Variants in H1-5 observed in about 807,000 individuals in gnomAD.
H1-5 encodes the protein histone H1.5.
A neutral mutation model predicts 4.6 loss-of-function variants in H1-5; 3 were observed. The ratio of observed to expected loss-of-function variants is 0.65; its 90% CI spans 0.30 to 1.68. The LOEUF (loss-of-function observed/expected upper bound fraction) is 1.68, where lower values mean the gene tolerates loss of function less well. Ranked by LOEUF, H1-5 falls within the 40% of genes most tolerant of loss-of-function variation. The pLI, the probability that H1-5 is intolerant of heterozygous loss-of-function variation, is 0.10. For synonymous variants in H1-5, 250 were observed against 123.4 expected, an observed-to-expected ratio of 2.03 and a Z score of -6.80; for missense variants, 521 against 287.9, an observed-to-expected ratio of 1.81 and a Z score of -5.86.
chr6:27,867,508 C>G lies in H1-5; in HGVS notation c.22G>C (p.Glu8Gln). The G allele has an allele frequency of 1.9e-6, 3 of 1,551,860 alleles. No individual in the cohort carries two copies. The highest frequency in any genetic ancestry group is 2.6e-6 in the Non-Finnish European group (3 of 1,154,966). Reference sequence around the variant, plus strand: ...TCCACCGGCGCTGGGGTGGCTGTCTCGGCAGGAGCGGTTTCCGACATGGTG... The same window carrying G: ...TCCACCGGCGCTGGGGTGGCTGTCTGGGCAGGAGCGGTTTCCGACATGGTG... Reference protein sequence around the residue: MSETAPAETATPAPVEKS... With the variant: MSETAPAQTATPAPVEKS... The change falls in exon 1 of 1, where the codon GAG (glutamate) becomes CAG (glutamine). Residue 8 changes from glutamate to glutamine, a missense_variant. By Grantham distance (29) the Glu-to-Gln change is conservative. Transcript: ENST00000331442.
At position 27,867,177 on chromosome 6, in the gene H1-5, TC is replaced by T; in HGVS notation, c.352del (p.Glu118LysfsTer35). On this transcript the variant is annotated frameshift_variant, in exon 1 of 1. Coordinates refer to ENST00000331442, the MANE Select transcript of H1-5 (RefSeq NM_005322.3). LOFTEE classifies it high-confidence loss of function. ...FKLNKKAASG[E>X]AKPKAKKAGA... ...TGCCTTCTTGGCTTTGGGCTTGGCT[TC>T]CCCGGAGGCCGCCTTCTTGTTGAGT... is the stretch of plus-strand genomic sequence containing the variant. 1 of 1,614,224 alleles carries T rather than the reference TC, an allele frequency of 6.2e-7. No homozygotes were observed. The highest frequency in any genetic ancestry group is 8.5e-7 in the Non-Finnish European group (1 of 1,180,022).
At position 27,867,482 on chromosome 6, in the gene H1-5, C is replaced by G. The variant is rs760935423; in HGVS notation, c.48G>C (p.Glu16Asp). The G allele has an allele frequency of 6.3e-7, 1 of 1,585,418 alleles. No homozygotes were observed. Among genetic ancestry groups the G allele is most frequent in the Admixed American group, 1.9e-5 (1 of 53,734 alleles). ...PAETATPAPV[E>D]KSPAKKKATK... The stretch of plus-strand genomic sequence containing the variant: ...TTGCCTTCTTCTTAGCCGGGGATTT[C>G]TCCACCGGCGCTGGGGTGGCTGTCT... Residue 16 changes from glutamate to aspartate, a missense_variant, in exon 1 of 1, where the codon GAG (glutamate) becomes GAC (aspartate). Glu to Asp is a conservative substitution (Grantham distance 45). Transcript: ENST00000331442.
chr6:27,867,553 G>C lies in H1-5; in HGVS notation c.-24C>G, dbSNP rs201267587. 737 of 1,520,544 alleles carry C rather than the reference G, an allele frequency of 4.8e-4. 1 individual carries two copies. The highest frequency in any genetic ancestry group is 3.6e-4 in the Non-Finnish European group (412 of 1,137,840). 94.2% of individuals were successfully genotyped at this position (1,520,544 alleles called of 1,614,324 possible). On this transcript the variant is annotated 5_prime_UTR_variant, in exon 1 of 1. Coordinates refer to ENST00000331442, the MANE Select transcript of H1-5 (RefSeq NM_005322.3). The stretch of plus-strand genomic sequence containing the variant: ...ATGGTGGCAAGAAACTGCTAGAAGA[G>C]AATAAGCTCGAAATCTAAAGAGCAG...
rs1287308401 is a variant in H1-5, at chr6:27,866,880, T to G, written c.650A>C (p.Lys217Thr). ...KPKAAKPKAA[K>T]AKKAAAKKK ...CTTTTTGGCAGCCGCCTTCTTGGCC[T>G]TTGCAGCTTTAGGTTTTGCTGCTTT... Residue 217 changes from lysine to threonine, a missense_variant, in exon 1 of 1, where the codon AAG (lysine) becomes ACG (threonine). Coordinates refer to ENST00000331442, the MANE Select transcript of H1-5 (RefSeq NM_005322.3). 5 of 1,601,018 alleles carry G rather than the reference T, an allele frequency of 3.1e-6. No individual in the cohort carries two copies. The African/African-American group carries it at 5.4e-5, about 17-fold the overall frequency.
In H1-5 at chr6:27,867,518, G is replaced by C; in HGVS notation, c.12C>G (p.Thr4=). The C allele has an allele frequency of 2.6e-6, 4 of 1,545,054 alleles. No individual in the cohort carries two copies. The highest frequency in any genetic ancestry group is 3.5e-6 in the Non-Finnish European group (4 of 1,152,206). The stretch of plus-strand genomic sequence containing the variant: ...CTGGGGTGGCTGTCTCGGCAGGAGC[G>C]GTTTCCGACATGGTGGCAAGAAACT... MSE[T]APAETATPAP... The change falls in exon 1 of 1, where the codon ACC becomes ACG. Residue 4 remains threonine, a synonymous_variant. Coordinates refer to ENST00000331442, the MANE Select transcript of H1-5 (RefSeq NM_005322.3).
At position 27,867,573 on chromosome 6, in the gene H1-5, G is replaced by A. The variant is rs777814625; in HGVS notation, c.-44C>T. 5.3e-6 allele frequency: 8 copies of A among 1,507,400 alleles called. No homozygotes were observed. Among genetic ancestry groups the A allele is most frequent in the Non-Finnish European group, 6.2e-6 (7 of 1,127,910 alleles). 93.4% of individuals were successfully genotyped at this position (1,507,400 alleles called of 1,614,324 possible). A position where few individuals can be genotyped will look rare whatever the true frequency, so the allele number is the denominator to read the frequency against. On this transcript the variant is annotated 5_prime_UTR_variant, in exon 1 of 1. Coordinates refer to ENST00000331442, the MANE Select transcript of H1-5 (RefSeq NM_005322.3). ...GAAGAGAATAAGCTCGAAATCTAAA[G>A]AGCAGGTTTTGCGTTGCTGCTATGC...
rs183848881 is a variant in H1-5 at position 27,867,559 on chromosome 6, G to A, written c.-30C>T. 2.7e-4 allele frequency: 417 copies of A among 1,517,688 alleles called. No homozygotes were observed. In the East Asian group the frequency reaches 6.3e-3, roughly 23 times the overall value. The allele number at this position is 1,517,688 out of a possible 1,614,324, so 94.0% of individuals were successfully genotyped here. On this transcript the variant is annotated 5_prime_UTR_variant, in exon 1 of 1. Coordinates refer to ENST00000331442, the MANE Select transcript of H1-5 (RefSeq NM_005322.3). Reference sequence around the variant, plus strand: ...GCAAGAAACTGCTAGAAGAGAATAAGCTCGAAATCTAAAGAGCAGGTTTTG... The same window carrying A: ...GCAAGAAACTGCTAGAAGAGAATAAACTCGAAATCTAAAGAGCAGGTTTTG...
At position 27,867,230 on chromosome 6, in the gene H1-5, C is replaced by T. The variant is rs1319758831; in HGVS notation, c.300G>A (p.Lys100=). ...TAAAGGAGCCAGAAGCACCAGTGCC[C>T]TTGGTCTGCACCAGGGTGCCCTTGC... The part of the protein sequence containing the change: ...LVSKGTLVQT[K]GTGASGSFKL... The change falls in exon 1 of 1, where the codon AAG becomes AAA. Residue 100 remains lysine (K), a synonymous_variant. Transcript: ENST00000331442. The T allele has an allele frequency of 1.2e-6, 2 of 1,614,232 alleles. No homozygotes were observed. The highest frequency in any genetic ancestry group is 2.2e-5 in the East Asian group (1 of 44,876).
In H1-5 at chr6:27,866,929, C is replaced by CCGCCTT; in HGVS notation, c.595_600dup (p.Lys199_Ala200dup). On this transcript the variant is annotated inframe_insertion, in exon 1 of 1. Transcript: ENST00000331442. The stretch of plus-strand genomic sequence containing the variant: ...TTGGGCTTAGCGGCTTTGGGCTTTG[C>CCGCCTT]CGCCTTCGGCTTAACTGCCTTGGGC... 1 of 1,614,096 alleles carries CCGCCTT rather than the reference C, an allele frequency of 6.2e-7. No homozygotes were observed. Among genetic ancestry groups the CCGCCTT allele is most frequent in the Non-Finnish European group, 8.5e-7 (1 of 1,180,010 alleles).
At position 27,866,922 on chromosome 6, in the gene H1-5, G is replaced by T; in HGVS notation, c.608C>A (p.Pro203His). 2 of 1,613,896 alleles carry T rather than the reference G, an allele frequency of 1.2e-6. No homozygotes were observed. The highest frequency in any genetic ancestry group is 2.7e-5 in the African/African-American group (2 of 74,998). ...TGCTGCTTTGGGCTTAGCGGCTTTG[G>T]GCTTTGCCGCCTTCGGCTTAACTGC... ...PKAVKPKAAKPKAAKPKAAKP... is the reference protein window; with the variant it reads ...PKAVKPKAAKHKAAKPKAAKP... Residue 203 changes from proline (P) to histidine (H), a missense_variant, in exon 1 of 1, where the codon CCC (proline) becomes CAC (histidine). By Grantham distance (77) the Pro-to-His change is moderately conservative. Transcript: ENST00000331442.
At position 27,866,918 on chromosome 6, in the gene H1-5, T is replaced by C. The variant is rs779408820; in HGVS notation, c.612A>G (p.Lys204=). The C allele has an allele frequency of 2.7e-5, 43 of 1,613,710 alleles. No individual in the cohort carries two copies. Among genetic ancestry groups the C allele is most frequent in the Non-Finnish European group, 2.9e-5 (34 of 1,179,884 alleles). The change falls in exon 1 of 1, where the codon AAA becomes AAG. Residue 204 remains lysine, a synonymous_variant. Coordinates refer to ENST00000331442, the MANE Select transcript of H1-5 (RefSeq NM_005322.3). The stretch of plus-strand genomic sequence containing the variant: ...GTTTTGCTGCTTTGGGCTTAGCGGC[T>C]TTGGGCTTTGCCGCCTTCGGCTTAA... ...KAVKPKAAKP[K]AAKPKAAKPK...
Position 27,867,054 on chromosome 6 carries a change from G to C in H1-5, c.476C>G (p.Ala159Gly). 6.2e-7 allele frequency: 1 copy of C among 1,613,792 alleles called. No individual in the cohort carries two copies. The highest frequency in any genetic ancestry group is 8.5e-7 in the Non-Finnish European group (1 of 1,179,962). Residue 159 changes from alanine to glycine, a missense_variant, in exon 1 of 1, where the codon GCG (alanine) becomes GGG (glycine). Coordinates refer to ENST00000331442, the MANE Select transcript of H1-5 (RefSeq NM_005322.3). ...GACGCCAGCCGCCGCGGGCTTCTTC[G>C]CCTTCTTCGGAGTCTTCTTCACTGC... is the stretch of plus-strand genomic sequence containing the variant. ...KKAVKKTPKKAKKPAAAGVKK... is the reference protein window; with the variant it reads ...KKAVKKTPKKGKKPAAAGVKK...
rs779719317 is a variant in H1-5 at position 27,866,970 on chromosome 6, G to A, written c.560C>T (p.Thr187Ile). The A allele has an allele frequency of 2.5e-6, 4 of 1,614,224 alleles. No homozygotes were observed. The South Asian group carries it at 3.3e-5, about 13-fold the overall frequency. The change falls in exon 1 of 1, where the codon ACC (threonine) becomes ATC (isoleucine). Residue 187 changes from threonine to isoleucine, a missense_variant. Transcript: ENST00000331442. ...TGCCTTGGGCTTGGCAGGACTCTTG[G>A]TTGCCTTTTTCGGTTTGGCAGCGGC... Reference protein sequence around the residue: ...AKAAAKPKKATKSPAKPKAVK... With the variant: ...AKAAAKPKKAIKSPAKPKAVK...
chr6:27,866,941 T>A lies in H1-5; in HGVS notation c.589A>T (p.Lys197Ter). 6.2e-7 allele frequency: 1 copy of A among 1,614,208 alleles called. No homozygotes were observed. Among genetic ancestry groups the A allele is most frequent in the Non-Finnish European group, 8.5e-7 (1 of 1,180,040 alleles). Residue 197 changes from lysine to a stop codon, truncating the protein, a stop_gained, in exon 1 of 1, where the codon AAG becomes TAG. Transcript: ENST00000331442. LOFTEE classifies it high-confidence loss of function. ...TKSPAKPKAV[K>*]PKAAKPKAAK... ...GCTTTGGGCTTTGCCGCCTTCGGCTTAACTGCCTTGGGCTTGGCAGGACTC... is the reference window on the plus strand; with the variant it reads ...GCTTTGGGCTTTGCCGCCTTCGGCTAAACTGCCTTGGGCTTGGCAGGACTC...
Position 27,867,512 on chromosome 6 carries a change from A to AT in H1-5, c.17_18insA (p.Ala7CysfsTer15). 6.4e-7 allele frequency: 1 copy of AT among 1,551,462 alleles called. No homozygotes were observed. The highest frequency in any genetic ancestry group is 2.3e-5 in the East Asian group (1 of 44,402). On this transcript the variant is annotated frameshift_variant, in exon 1 of 1. Coordinates refer to ENST00000331442, the MANE Select transcript of H1-5 (RefSeq NM_005322.3). LOFTEE classifies it high-confidence loss of function. Reference sequence around the variant, plus strand: ...CCGGCGCTGGGGTGGCTGTCTCGGCAGGAGCGGTTTCCGACATGGTGGCAA... The same window carrying AT: ...CCGGCGCTGGGGTGGCTGTCTCGGCATGGAGCGGTTTCCGACATGGTGGCAA...
rs1228099763 is a variant in H1-5, at chr6:27,867,064, G to C, written c.466C>G (p.Pro156Ala). 4 of 1,613,388 alleles carry C rather than the reference G, an allele frequency of 2.5e-6. No homozygotes were observed. The highest frequency in any genetic ancestry group is 1.7e-5 in the Admixed American group (1 of 59,940). Residue 156 changes from proline (P) to alanine (A), a missense_variant, in exon 1 of 1, where the codon CCG becomes GCG. Pro to Ala is a conservative substitution (Grantham distance 27). Transcript: ENST00000331442. ...AGAKKAVKKTPKKAKKPAAAG... is the reference protein window; with the variant it reads ...AGAKKAVKKTAKKAKKPAAAG... ...GCCGCGGGCTTCTTCGCCTTCTTCG[G>C]AGTCTTCTTCACTGCCTTTTTCGCC... is the stretch of plus-strand genomic sequence containing the variant.
In H1-5 at chr6:27,867,357, T is replaced by C. The variant is rs141249784; in HGVS notation, c.173A>G (p.Asn58Ser). 690 of 1,614,116 alleles carry C rather than the reference T, an allele frequency of 4.3e-4. No homozygotes were observed. Among genetic ancestry groups the C allele is most frequent in the Admixed American group, 1.2e-3 (72 of 60,012 alleles). ...CTTAAGGGCTGCCAAAGAAAGGCCATTGCGCTCCTTAGAAGCAGCCACAGC... is the reference window on the plus strand; with the variant it reads ...CTTAAGGGCTGCCAAAGAAAGGCCACTGCGCTCCTTAGAAGCAGCCACAGC... ...TKAVAASKER[N>S]GLSLAALKKA... The change falls in exon 1 of 1, where the codon AAT becomes AGT. Residue 58 changes from asparagine to serine, a missense_variant. By Grantham distance (46) the Asn-to-Ser change is conservative. Transcript: ENST00000331442.
rs746839353 is a variant in H1-5, at chr6:27,867,543, T to A, written c.-14A>T. On this transcript the variant is annotated 5_prime_UTR_variant, in exon 1 of 1. Transcript: ENST00000331442. Reference sequence around the variant, plus strand: ...GGTTTCCGACATGGTGGCAAGAAACTGCTAGAAGAGAATAAGCTCGAAATC... The same window carrying A: ...GGTTTCCGACATGGTGGCAAGAAACAGCTAGAAGAGAATAAGCTCGAAATC... 6 of 1,529,818 alleles carry A rather than the reference T, an allele frequency of 3.9e-6. No individual in the cohort carries two copies. In the Admixed American group the frequency reaches 1.1e-4, roughly 29 times the overall value. The allele number at this position is 1,529,818 out of a possible 1,614,324, so 94.8% of individuals were successfully genotyped here. A position where few individuals can be genotyped will look rare whatever the true frequency, so the allele number is the denominator to read the frequency against.
Position 27,867,283 on chromosome 6 carries a change from T to C in H1-5, c.247A>G (p.Ile83Val), listed in dbSNP as rs746259210. The C allele has an allele frequency of 2.6e-5, 42 of 1,614,138 alleles. No individual in the cohort carries two copies. The highest frequency in any genetic ancestry group is 1.0e-4 in the Admixed American group (6 of 60,014). ...ACCAAGCTCTTGAGGCCCAGCTTAA[T>C]GCGGCTGTTATTCTTCTCCACGTCG... ...GYDVEKNNSR[I>V]KLGLKSLVSK... The change falls in exon 1 of 1, where the codon ATT (isoleucine) becomes GTT (valine). Residue 83 changes from isoleucine (I) to valine (V), a missense_variant. By Grantham distance (29) the Ile-to-Val change is conservative. Coordinates refer to ENST00000331442, the MANE Select transcript of H1-5 (RefSeq NM_005322.3).
Sources: gnomAD v4.1 joint callset for allele counts on GRCh38, gnomAD v4.1.1 for gene constraint, MANE v1.5 for transcripts, NCBI Gene and HGNC (gene_info 2026-07-23, HGNC 2026-07-21) for gene names.